Variants in DNAJC8 observed in about 807,000 individuals in gnomAD.
DNAJC8 encodes DnaJ heat shock protein family (Hsp40) member C8, also known as dnaJ homolog subfamily C member 8.
In DNAJC8, 24 loss-of-function variants were observed where a neutral mutation model predicts 43.2. The ratio of observed to expected loss-of-function variants is 0.56; its 90% confidence interval spans 0.40 to 0.78. The LOEUF is 0.78. Ranked by LOEUF, DNAJC8 falls within the 30% of genes least tolerant of loss-of-function variation. The probability of loss-of-function intolerance (pLI) is 0.00; values close to 1 mark genes in which losing one functional copy is unlikely to be tolerated. For synonymous variants in DNAJC8, 83 were observed against 98.0 expected (o/e 0.85, Z 0.90); for missense variants, 207 against 299.4 (o/e 0.69, Z 2.28).
chr1:28,212,172 T>TAAATAAATAA (rs1557707893), intron 3 of DNAJC8, among the ~76,000 whole-genome samples: 25 of 11,726 alleles, frequency 2.1e-3, no homozygotes, highest in Non-Finnish European at 4.1e-3. Flanking sequence ...TAAATAAATA[T>TAAATAAATAA]ATATATATAT....
chr1:28,201,414 TGGA>T, intron 8 of DNAJC8, 44 bp from the exon 9 acceptor site: 2 of 1,611,560 alleles, frequency 1.2e-6, no homozygotes, highest in Non-Finnish European at 1.7e-6. Flanking sequence ...AGTCAATGAG[TGGA>T]AAGGCCTAAA....
At chr1:28,203,469 A>G (rs1299226600) in intron 8 of DNAJC8, among the ~76,000 whole-genome samples, 3 of 152,196 alleles carry the variant, frequency 2.0e-5, no homozygotes, top group Admixed American at 1.3e-4. Context: ...CAATCTAAAA[A>G]ACCATTCAGG....
intron 2 of DNAJC8, among the ~76,000 whole-genome samples, chr1:28,228,147 G>A (rs924444617): frequency 4.6e-5 from 7 of 151,704 alleles, no homozygotes; most frequent in Non-Finnish European, 8.8e-5. Context: ...TCAGGAGTTC[G>A]AGACCAGCCT....
chr1:28,202,870 C>T (rs1355236715), intron 8 of DNAJC8, among the ~76,000 whole-genome samples: 2 of 152,208 alleles, frequency 1.3e-5, no homozygotes, highest in South Asian at 4.1e-4. Flanking sequence ...GCTTGAGCCA[C>T]CACGCCCGGC....
At chr1:28,224,833 G>C (rs1044020614) in intron 2 of DNAJC8, among the ~76,000 whole-genome samples, 1 of 152,024 alleles carries the variant, frequency 6.6e-6, no homozygotes, top group Non-Finnish European at 1.5e-5. Flanking sequence ...GCAGTGAACC[G>C]ATATTGCGCC....
At position 28,226,380 on chromosome 1, in the gene DNAJC8, G is replaced by A. The variant is rs1391219972; in HGVS notation, c.180+2542C>T. On this transcript the variant is annotated intron_variant, in intron 2 of 8. Transcript: ENST00000263697. Reference sequence around the variant, plus strand: ...TAGCCAGGCGTGGTGGCACATGCCTGTAGTCCCAGCTACTCGGGAGGCTGA... The same window carrying A: ...TAGCCAGGCGTGGTGGCACATGCCTATAGTCCCAGCTACTCGGGAGGCTGA... Among the ~76,000 whole-genome samples the A allele has an allele frequency of 2.0e-5, 3 of 151,182 alleles. 1 individual carries two copies. The highest frequency in any genetic ancestry group is 4.4e-5 in the Non-Finnish European group (3 of 67,754).
intron 2 of DNAJC8, among the ~76,000 whole-genome samples, chr1:28,218,563 C>T (rs371161390): frequency 7.2e-5 from 11 of 151,930 alleles, no homozygotes; most frequent in Admixed American, 3.9e-4. Flanking sequence ...ACTGTAAGTG[C>T]GTGGAGCACA....
At chr1:28,207,143 C>T (rs956386153) in intron 6 of DNAJC8, among the ~76,000 whole-genome samples, 2 of 151,584 alleles carry the variant, frequency 1.3e-5, no homozygotes, top group East Asian at 3.9e-4. Flanking sequence ...TTTGGGAGGC[C>T]GAGGAGGGCA....
chr1:28,213,662 A>T (rs1447774184), intron 3 of DNAJC8, among the ~76,000 whole-genome samples: 1 of 152,138 alleles, frequency 6.6e-6, no homozygotes, highest in Non-Finnish European at 1.5e-5. Flanking sequence ...TTTAAAAGAC[A>T]TGGAATATAT....
At chr1:28,223,186 GAA>G (rs1381185563) in intron 2 of DNAJC8, among the ~76,000 whole-genome samples, 1 of 152,164 alleles carries the variant, frequency 6.6e-6, no homozygotes, top group Non-Finnish European at 1.5e-5. Context: ...CAAAAAATAT[GAA>G]AAGAGACATG....
At chr1:28,208,999 A>T (rs918181028) in intron 5 of DNAJC8, among the ~76,000 whole-genome samples, 2 of 152,212 alleles carry the variant, frequency 1.3e-5, no homozygotes, top group Non-Finnish European at 2.9e-5. Context: ...TAACCAGTCT[A>T]TTATACCAGC....
At chr1:28,211,398 G>A (rs1412462595) in intron 3 of DNAJC8, among the ~76,000 whole-genome samples, 2 of 152,150 alleles carry the variant, frequency 1.3e-5, no homozygotes, top group African/African-American at 2.4e-5. Context: ...AGGGATGCTC[G>A]ACCATTATGC....
intron 1 of DNAJC8, 79 bp downstream of exon 1, chr1:28,232,842 C>A (rs1168180901): frequency 2.0e-6 from 3 of 1,482,380 alleles, no homozygotes; most frequent in African/African-American, 2.8e-5. Context: ...CCAGGCCAGG[C>A]GGCCACTGCC....
intron 3 of DNAJC8, among the ~76,000 whole-genome samples, chr1:28,211,887 GGCTCCC>G (rs986725561): frequency 2.6e-5 from 4 of 151,930 alleles, no homozygotes; most frequent in African/African-American, 9.7e-5. Context: ...CAGGAGCAGT[GGCTCCC>G]GCCTGTAATC....
At chr1:28,219,186 G>C (rs1196005036) in intron 2 of DNAJC8, among the ~76,000 whole-genome samples, 1 of 151,838 alleles carries the variant, frequency 6.6e-6, no homozygotes, top group Non-Finnish European at 1.5e-5. Flanking sequence ...CAGTAAAATG[G>C]TTATAGTGGT....
At chr1:28,213,073 A>G (rs1646826414) in intron 3 of DNAJC8, among the ~76,000 whole-genome samples, 1 of 152,218 alleles carries the variant, frequency 6.6e-6, no homozygotes, top group Admixed American at 6.5e-5. Context: ...CATGGGATAG[A>G]CACCATTATT....
intron 5 of DNAJC8, among the ~76,000 whole-genome samples, chr1:28,209,690 T>C (rs1572061731): frequency 6.6e-6 from 1 of 152,202 alleles, no homozygotes; most frequent in Middle Eastern, 3.4e-3. Flanking sequence ...AGTGGCAATA[T>C]GTGATGAGAG....
chr1:28,211,155 C>G (rs1276925078), intron 3 of DNAJC8, among the ~76,000 whole-genome samples: 1 of 144,618 alleles, frequency 6.9e-6, no homozygotes, highest in Non-Finnish European at 1.5e-5. Flanking sequence ...GAGACCCTGT[C>G]TCCAGGAAAA....
intron 1 of DNAJC8, among the ~76,000 whole-genome samples, chr1:28,229,794 A>G (rs1205921358): frequency 2.0e-5 from 3 of 152,010 alleles, no homozygotes; most frequent in African/African-American, 7.3e-5. Flanking sequence ...AAAAAAAAGT[A>G]AGAGATTTCT....
Sources: allele counts gnomAD v4.1 joint callset (sites outside exome capture counted in the v4.1 genomes callset), GRCh38; gene constraint gnomAD v4.1.1; transcripts MANE v1.5; gene names NCBI Gene and HGNC (gene_info 2026-07-23, HGNC 2026-07-21).